Variants in SOX6 observed in about 807,000 individuals in gnomAD.
SOX6 encodes SRY-box transcription factor 6.
Under a neutral mutation model 97.8 loss-of-function variants are expected in SOX6, and 11 were observed. That is an observed-to-expected ratio of 0.11 (90% confidence interval 0.07 to 0.19). SOX6 has a LOEUF of 0.19. Ranked by LOEUF, SOX6 falls within the 10% of genes least tolerant of loss-of-function variation. The pLI is 1.00. For missense variants in SOX6, 810 were observed against 1,039.5 expected, an observed-to-expected ratio of 0.78 and a Z score of 3.04; for synonymous variants, 360 against 371.4, an observed-to-expected ratio of 0.97 and a Z score of 0.35.
chr11:16,455,606 T>C (rs893839880), intron 1 of SOX6, among the ~76,000 whole-genome samples: 5 of 151,982 alleles, frequency 3.3e-5, no homozygotes, highest in Non-Finnish European at 5.9e-5. Context: ...GCTCAACAAA[T>C]CAAATTTTAA....
At chr11:16,675,315 A>AT (rs1847876647) in intron 3 of SOX6, among the ~76,000 whole-genome samples, 1 of 152,038 alleles carries the variant, frequency 6.6e-6, no homozygotes, top group Admixed American at 6.6e-5. Context: ...ACATCCAGCT[A>AT]TTTTTTTAAA....
At chr11:16,338,689 T>A (rs1311471583) in intron 2 of SOX6, among the ~76,000 whole-genome samples, 1 of 152,042 alleles carries the variant, frequency 6.6e-6, no homozygotes, top group Non-Finnish European at 1.5e-5. Context: ...GAAAGCAATG[T>A]TTGATAGCAA....
Position 16,583,636 on chromosome 11 carries a change from T to TATATATATAC in SOX6, n.609+28444_609+28445insGTATATATAT, listed in dbSNP as rs1385821722. Among the ~76,000 whole-genome samples the TATATATATAC allele has an allele frequency of 1.1e-4, 10 of 87,098 alleles. No homozygotes were observed. In the East Asian group the frequency reaches 2.2e-3, roughly 20 times the overall value. 57.1% of individuals were successfully genotyped at this position (87,098 alleles called of 152,430 possible). ...ATACATATATATATATATATATATA[T>TATATATATAC]ACACATACACACACCACATTTTCTT... On this transcript the variant is annotated intron_variant and non_coding_transcript_variant, in intron 4 of 5. Coordinates refer to the SOX6 transcript ENST00000524520.
At chr11:16,198,204 CCA>C (rs1201605783) in intron 4 of SOX6, among the ~76,000 whole-genome samples, 3 of 150,672 alleles carry the variant, frequency 2.0e-5, no homozygotes, top group Non-Finnish European at 4.4e-5. Context: ...CAGGCGCCTG[CCA>C]CCACGCCCTG....
At chr11:16,537,914 C>A (rs994565266) in intron 4 of SOX6, among the ~76,000 whole-genome samples, 2 of 152,128 alleles carry the variant, frequency 1.3e-5, no homozygotes, top group Non-Finnish European at 2.9e-5. Flanking sequence ...AGGATATTAT[C>A]CAGGAGAACT....
chr11:16,517,160 C>T (rs1189578666), intron 4 of SOX6, among the ~76,000 whole-genome samples: 1 of 151,586 alleles, frequency 6.6e-6, no homozygotes, highest in African/African-American at 2.4e-5. Context: ...AATAAATTAG[C>T]TATTGATGGG....
intron 2 of SOX6, among the ~76,000 whole-genome samples, chr11:16,721,760 C>A (rs1249427088): frequency 1.3e-5 from 2 of 151,218 alleles, no homozygotes; most frequent in East Asian, 3.9e-4. Context: ...AACTGTGAGT[C>A]AATTAAACCT....
At chr11:16,035,708 T>C (rs1462164645) in intron 12 of SOX6, among the ~76,000 whole-genome samples, 4 of 152,228 alleles carry the variant, frequency 2.6e-5, no homozygotes, top group Admixed American at 2.6e-4. Context: ...CAGGCATGTC[T>C]AGGAAATGTA....
At chr11:16,233,088 T>C (rs1852908366) in intron 4 of SOX6, among the ~76,000 whole-genome samples, 1 of 152,208 alleles carries the variant, frequency 6.6e-6, no homozygotes, top group South Asian at 2.1e-4. Flanking sequence ...GGAAATTTTC[T>C]GTAGTAAATT....
intron 4 of SOX6, among the ~76,000 whole-genome samples, chr11:16,490,965 C>G (rs1280982869): frequency 6.6e-6 from 1 of 152,090 alleles, no homozygotes; most frequent in East Asian, 1.9e-4. Flanking sequence ...ACAGCATTTT[C>G]TTTGAGATAC....
At chr11:16,396,804 T>A (rs892898832) in intron 1 of SOX6, among the ~76,000 whole-genome samples, 2 of 151,544 alleles carry the variant, frequency 1.3e-5, no homozygotes, top group Non-Finnish European at 3.0e-5. Context: ...GGAGGAGCAG[T>A]CTTTAGTGGA....
At chr11:16,521,488 C>T (rs1013434156) in intron 4 of SOX6, among the ~76,000 whole-genome samples, 1 of 152,124 alleles carries the variant, frequency 6.6e-6, no homozygotes, top group Non-Finnish European at 1.5e-5. Context: ...TGTACATCAC[C>T]ATCATCAAAG....
intron 2 of SOX6, among the ~76,000 whole-genome samples, chr11:16,724,075 A>G (rs1848286691): frequency 6.6e-6 from 1 of 152,206 alleles, no homozygotes; most frequent in African/African-American, 2.4e-5. Context: ...GAATATAATA[A>G]CTAATTAGTT....
At chr11:16,516,634 G>T (rs1860979152) in intron 4 of SOX6, among the ~76,000 whole-genome samples, 1 of 151,124 alleles carries the variant, frequency 6.6e-6, no homozygotes, top group Admixed American at 6.6e-5. Context: ...CCAGGAAGAA[G>T]TTGAATCTCT....
intron 4 of SOX6, among the ~76,000 whole-genome samples, chr11:16,598,642 T>C (rs1459507831): frequency 6.8e-6 from 1 of 146,982 alleles, no homozygotes. Context: ...GGAATGAGTA[T>C]GCTCTTTAAA....
chr11:16,315,645 T>C (rs1034247448), intron 3 of SOX6: 1 of 152,182 alleles, frequency 6.6e-6, no homozygotes, highest in African/African-American at 2.4e-5. Context: ...CTACAGCTGT[T>C]AGCTAGTTGG....
At chr11:16,025,794 T>C (rs1303336117) in intron 12 of SOX6, among the ~76,000 whole-genome samples, 1 of 152,182 alleles carries the variant, frequency 6.6e-6, no homozygotes, top group Non-Finnish European at 1.5e-5. Flanking sequence ...ACCATGTATT[T>C]GTTTTAATTT....
intron 3 of SOX6, among the ~76,000 whole-genome samples, chr11:16,695,939 A>G (rs1848050580): frequency 6.6e-6 from 1 of 152,148 alleles, no homozygotes; most frequent in Non-Finnish European, 1.5e-5. Context: ...CCTGGGAAGC[A>G]GACGTTGCAG....
chr11:16,285,359 C>T (rs1252286909), intron 3 of SOX6, among the ~76,000 whole-genome samples: 1 of 151,964 alleles, frequency 6.6e-6, no homozygotes, highest in African/African-American at 2.4e-5. Context: ...ATGAAGAAAC[C>T]CTGTCTCTAC....
Sources: gnomAD v4.1 joint callset for allele counts (sites outside exome capture counted in the v4.1 genomes callset) on GRCh38, gnomAD v4.1.1 for gene constraint, MANE v1.5 for transcripts, NCBI Gene and HGNC (gene_info 2026-07-23, HGNC 2026-07-21) for gene names.